The following ANKRD11 variants were observed in gnomAD, a reference collection of about 807,000 sequenced individuals.
ANKRD11 encodes ankyrin repeat domain 11.
ANKRD11 carries 17 observed loss-of-function variants against 195.7 expected under a neutral mutation model. The ratio of observed to expected loss-of-function variants is 0.09; its 90% CI spans 0.06 to 0.13. The LOEUF (loss-of-function observed/expected upper bound fraction) is 0.13. ANKRD11 is among the 10% of genes least tolerant of loss of function. The pLI, the probability that ANKRD11 is intolerant of heterozygous loss-of-function variation, is 1.00. For synonymous variants in ANKRD11, 1,953 were observed against 1,528.1 expected (o/e 1.28, Z -6.49); for missense variants, 3,735 against 3,566.1 (o/e 1.05, Z -1.21).
At chr16:89,466,763 A>G (rs2056899201) in intron 1 of ANKRD11, among the ~76,000 whole-genome samples, 2 of 152,220 alleles carry the variant, frequency 1.3e-5, no homozygotes, top group African/African-American at 4.8e-5. Flanking sequence ...AAATATAAAA[A>G]AGACAACTCG....
chr16:89,421,836 C>T (rs2042522762), intron 1 of ANKRD11, among the ~76,000 whole-genome samples: 1 of 152,168 alleles, frequency 6.6e-6, no homozygotes, highest in Non-Finnish European at 1.5e-5. Context: ...GGACCACTGC[C>T]CATCCATGTC....
At position 89,283,914 on chromosome 16, in the gene ANKRD11, G is replaced by A. The variant is rs2034463088; in HGVS notation, c.2628C>T (p.Leu876=). The change falls in exon 9 of 13, where the codon CTC becomes CTT. Residue 876 remains leucine (L), a synonymous_variant. Coordinates refer to ENST00000301030, the MANE Select transcript of ANKRD11 (RefSeq NM_013275.6). The surrounding 1 kb of genome is among the most constrained non-coding windows in gnomAD (Gnocchi z 4.3). ...RDMKSDSVAK[L]ILETVKEDSK... is the part of the protein sequence containing the mutation. ...TGTCCTCCTTCACCGTCTCCAAGAT[G>A]AGCTTGGCCACAGAGTCGCTCTTCA... 1 of 1,614,158 alleles carries A rather than the reference G, an allele frequency of 6.2e-7. No homozygotes were observed. Among genetic ancestry groups the A allele is most frequent in the Non-Finnish European group, 8.5e-7 (1 of 1,180,044 alleles).
chr16:89,279,862 G>C lies in ANKRD11; in HGVS notation c.6680C>G (p.Pro2227Arg), dbSNP rs764885268. The change falls in exon 9 of 13, where the codon CCG (proline) becomes CGG (arginine). Residue 2227 changes from proline to arginine, a missense_variant. Transcript: ENST00000301030. The surrounding 1 kb of genome is among the most constrained non-coding windows in gnomAD (Gnocchi z 5.6). ...LEAAVEAETV[P>R]EERARGDPDS... Reference sequence around the variant, plus strand: ...CGGATCCCCACGGGCCCTCTCTTCCGGCACCGTCTCCGCCTCCACCGCAGC... The same window carrying C: ...CGGATCCCCACGGGCCCTCTCTTCCCGCACCGTCTCCGCCTCCACCGCAGC... 2.6e-6 allele frequency: 4 copies of C among 1,558,794 alleles called. No individual in the cohort carries two copies. Among genetic ancestry groups the C allele is most frequent in the East Asian group, 2.4e-5 (1 of 41,956 alleles).
Position 89,387,989 on chromosome 16 carries a change from G to T in ANKRD11, c.-60+30295C>A, listed in dbSNP as rs147689459. Among the ~76,000 whole-genome samples, 489 of 150,750 alleles carry T rather than the reference G, an allele frequency of 3.2e-3. 2 individuals carry two copies. The highest frequency in any genetic ancestry group is 0.011 in the African/African-American group (444 of 41,076). On this transcript the variant is annotated intron_variant, in intron 2 of 12. Coordinates refer to ENST00000301030, the MANE Select transcript of ANKRD11 (RefSeq NM_013275.6). ...GATGGTGCCACCGCACTCCAGCCTG[G>T]GCAACAGAGCAAGACTCCATCTCAA...
At position 89,347,471 on chromosome 16, in the gene ANKRD11, C is replaced by T. The variant is rs148453079; in HGVS notation, c.-59-30393G>A. On this transcript the variant is annotated intron_variant, in intron 2 of 12. Coordinates refer to ENST00000301030, the MANE Select transcript of ANKRD11 (RefSeq NM_013275.6). ...AAAAAATACAAAAAAATTAGCCGGG[C>T]GTGGTGGCAGGCGCCGGTAGTCCCA... Among the ~76,000 whole-genome samples the T allele has an allele frequency of 3.9e-3, 596 of 151,970 alleles. 2 individuals carry two copies. The highest frequency in any genetic ancestry group is 0.014 in the African/African-American group (576 of 41,450).
At chr16:89,438,543 G>C (rs2043312425) in intron 1 of ANKRD11, among the ~76,000 whole-genome samples, 1 of 152,110 alleles carries the variant, frequency 6.6e-6, no homozygotes, top group Non-Finnish European at 1.5e-5. Context: ...GGTTGGGCCA[G>C]GCTGGTCTTG....
At position 89,343,113 on chromosome 16, in the gene ANKRD11, C is replaced by T. The variant is rs138451998; in HGVS notation, c.-59-26035G>A. On this transcript the variant is annotated intron_variant, in intron 2 of 12. Transcript: ENST00000301030. Reference sequence around the variant, plus strand: ...TCGGCTCACTGCAGCCTCAGCCTCCCGAGTAGCTGGGATTACAGGTGTGTG... The same window carrying T: ...TCGGCTCACTGCAGCCTCAGCCTCCTGAGTAGCTGGGATTACAGGTGTGTG... Among the ~76,000 whole-genome samples the T allele has an allele frequency of 5.2e-3, 792 of 152,272 alleles. 9 individuals carry two copies. Among genetic ancestry groups the T allele is most frequent in the African/African-American group, 0.018 (753 of 41,548 alleles).
At chr16:89,346,042 G>C (rs1428001245) in intron 2 of ANKRD11, among the ~76,000 whole-genome samples, 4 of 151,580 alleles carry the variant, frequency 2.6e-5, no homozygotes, top group Non-Finnish European at 5.9e-5. Flanking sequence ...AAGAGTTTGA[G>C]ACCAGGCTGG....
chr16:89,432,236 TACACACACACACACACACACACACACAC>T (rs59807718), intron 1 of ANKRD11, among the ~76,000 whole-genome samples: 2 of 142,854 alleles, frequency 1.4e-5, no homozygotes, highest in African/African-American at 2.6e-5. Context: ...CGTGATGCAG[TACACACACACACACACACACACACACAC>T]ACACACACAC....
At chr16:89,389,526 A>G (rs948551171) in intron 2 of ANKRD11, among the ~76,000 whole-genome samples, 4 of 152,214 alleles carry the variant, frequency 2.6e-5, no homozygotes, top group African/African-American at 9.6e-5. Context: ...TCAAAAACTA[A>G]AAACACGGAA....
chr16:89,320,599 G>A (rs961045112), intron 2 of ANKRD11, among the ~76,000 whole-genome samples: 1 of 152,166 alleles, frequency 6.6e-6, no homozygotes, highest in Non-Finnish European at 1.5e-5. Context: ...TGGACTGTCA[G>A]GGTCACCGAG....
intron 2 of ANKRD11, among the ~76,000 whole-genome samples, chr16:89,370,468 A>T (rs927203417): frequency 6.6e-6 from 1 of 152,162 alleles, no homozygotes; most frequent in Non-Finnish European, 1.5e-5. Flanking sequence ...CTCCTGCAAG[A>T]TGACACCCAG....
intron 3 of ANKRD11, among the ~76,000 whole-genome samples, chr16:89,305,762 C>G (rs1285262503): frequency 2.1e-5 from 3 of 141,486 alleles, no homozygotes; most frequent in Admixed American, 6.8e-5. Context: ...ACTCCGCAGA[C>G]ACGCGCCACC....
At chr16:89,464,883 A>G (rs1013638272) in intron 1 of ANKRD11, among the ~76,000 whole-genome samples, 2 of 152,206 alleles carry the variant, frequency 1.3e-5, no homozygotes, top group African/African-American at 4.8e-5. Context: ...CAATAAAGCT[A>G]CACAGTTCCA....
At chr16:89,364,367 C>T (rs145118160) in intron 2 of ANKRD11, among the ~76,000 whole-genome samples, 1 of 152,358 alleles carries the variant, frequency 6.6e-6, no homozygotes, top group Admixed American at 6.5e-5. Context: ...TTTCTTAAGA[C>T]ACCATGTATT....
intron 1 of ANKRD11, among the ~76,000 whole-genome samples, chr16:89,442,774 A>G (rs1381649027): frequency 6.6e-6 from 1 of 152,126 alleles, no homozygotes; most frequent in Non-Finnish European, 1.5e-5. Flanking sequence ...CCCCGGTGGC[A>G]GGAAGGTGTG....
At chr16:89,394,742 A>C (rs1198546808) in intron 2 of ANKRD11, among the ~76,000 whole-genome samples, 1 of 152,208 alleles carries the variant, frequency 6.6e-6, no homozygotes, top group Non-Finnish European at 1.5e-5. Flanking sequence ...TTTTATGACA[A>C]AGGCTCCATC....
intron 2 of ANKRD11, among the ~76,000 whole-genome samples, chr16:89,389,665 TCA>T (rs1343154749): frequency 6.6e-6 from 1 of 151,728 alleles, no homozygotes; most frequent in Non-Finnish European, 1.5e-5. Flanking sequence ...AAACGGCATG[TCA>T]ACAACTCAAA....
In ANKRD11 at chr16:89,281,381, T is replaced by A; in HGVS notation, c.5161A>T (p.Thr1721Ser). The change falls in exon 9 of 13, where the codon ACG (threonine) becomes TCG (serine). Residue 1721 changes from threonine to serine, a missense_variant. Coordinates refer to ENST00000301030, the MANE Select transcript of ANKRD11 (RefSeq NM_013275.6). The surrounding 1 kb of genome is among the most constrained non-coding windows in gnomAD (Gnocchi z 5.5). The stretch of plus-strand genomic sequence containing the variant: ...GCGCTGCAGGACGGGGTCCTGGGCG[T>A]GTGCATCACCTCCTCGTAGCTGGGG... ...SCPSYEEVMH[T>S]PRTPSCSADD... 6.2e-7 allele frequency: 1 copy of A among 1,609,502 alleles called. No homozygotes were observed. Among genetic ancestry groups the A allele is most frequent in the Non-Finnish European group, 8.5e-7 (1 of 1,176,506 alleles).
Sources: allele counts gnomAD v4.1 joint callset (sites outside exome capture counted in the v4.1 genomes callset), GRCh38; gene constraint gnomAD v4.1.1; non-coding constraint Gnocchi (gnomAD v3.1); transcripts MANE v1.5; gene names NCBI Gene and HGNC (gene_info 2026-07-23, HGNC 2026-07-21).